The following RGS7 variants were observed in gnomAD, a reference collection of about 807,000 sequenced individuals.
RGS7 encodes regulator of G-protein signaling 7.
RGS7 carries 27 observed loss-of-function variants against 81.1 expected under a neutral mutation model. The ratio of observed to expected loss-of-function variants is 0.33; its 90% CI spans 0.25 to 0.46. The LOEUF is 0.46. RGS7 is among the 20% of genes least tolerant of loss of function. The probability of loss-of-function intolerance (pLI) is 1.00; values close to 1 mark genes in which losing one functional copy is unlikely to be tolerated. For missense variants in RGS7, 396 were observed against 607.4 expected, an observed-to-expected ratio of 0.65 and a Z score of 3.66; for synonymous variants, 208 against 207.7, an observed-to-expected ratio of 1.00 and a Z score of -0.01.
rs1368537777 is a variant in RGS7, at chr1:241,044,097, CTTTTTGTTT to C, written c.175+54560_175+54568del. Among the ~76,000 whole-genome samples, 286 of 146,168 alleles carry C rather than the reference CTTTTTGTTT, an allele frequency of 2.0e-3. 1 individual carries two copies. Among genetic ancestry groups the C allele is most frequent in the African/African-American group, 6.9e-3 (268 of 39,094 alleles). On this transcript the variant is annotated intron_variant, in intron 3 of 18. Transcript: ENST00000440928. The stretch of plus-strand genomic sequence containing the variant: ...GATTTGGGTTTGAATTAATTTCTTT[CTTTTTGTTT>C]TTTTTGTTTTTTTTTTTTTTGGTTT...
chr1:241,200,799 G>A (rs1006055939), intron 2 of RGS7, among the ~76,000 whole-genome samples: 2 of 152,100 alleles, frequency 1.3e-5, no homozygotes, highest in African/African-American at 4.8e-5. Context: ...CCAAGATTCT[G>A]TTCTGCCCCC....
intron 2 of RGS7, among the ~76,000 whole-genome samples, chr1:241,147,574 T>C (rs2103112031): frequency 1.3e-5 from 2 of 151,700 alleles, no homozygotes; most frequent in Middle Eastern, 6.8e-3. Context: ...TAAGAAAAAA[T>C]AGAAGATGGT....
intron 2 of RGS7, among the ~76,000 whole-genome samples, chr1:241,148,051 CTTTTTTTTTTTTTT>C: frequency 9.2e-6 from 1 of 108,504 alleles, no homozygotes; most frequent in Middle Eastern, 6.2e-3. Context: ...TTTTCTTTTT[CTTTTTTTTTTTTTT>C]TTTTGAGACG....
chr1:241,089,397 G>A (rs1426188995), intron 3 of RGS7, among the ~76,000 whole-genome samples: 1 of 151,844 alleles, frequency 6.6e-6, no homozygotes. Context: ...TTGAGAAACA[G>A]AAAGTGCATG....
intron 9 of RGS7, among the ~76,000 whole-genome samples, chr1:240,836,241 T>A (rs1373612778): frequency 1.3e-5 from 2 of 152,128 alleles, no homozygotes; most frequent in East Asian, 3.9e-4. Context: ...GAACCAAAAC[T>A]GCTCTAAAAA....
intron 2 of RGS7, among the ~76,000 whole-genome samples, chr1:241,129,014 C>A (rs1434985952): frequency 6.6e-6 from 1 of 152,130 alleles, no homozygotes. Flanking sequence ...ACTATTTATA[C>A]ACAATTAGCA....
rs140629656 is a variant in RGS7, at chr1:241,056,375, C to T, written c.175+42291G>A. On this transcript the variant is annotated intron_variant, in intron 3 of 18. Coordinates refer to ENST00000440928, the MANE Select transcript of RGS7 (RefSeq NM_001364886.1). Reference sequence around the variant, plus strand: ...TCACCCTGTTTCAGCTTCTTCTTAGCACTGTACCCATCTCATCTCATTCAT... The same window carrying T: ...TCACCCTGTTTCAGCTTCTTCTTAGTACTGTACCCATCTCATCTCATTCAT... Among the ~76,000 whole-genome samples the T allele has an allele frequency of 1.8e-3, 277 of 152,312 alleles. 1 individual carries two copies. The highest frequency in any genetic ancestry group is 0.014 in the East Asian group (73 of 5,190).
Position 240,854,234 on chromosome 1 carries a change from C to T in RGS7, c.609+14353G>A, listed in dbSNP as rs1660668095. Among the ~76,000 whole-genome samples, 5 of 152,276 alleles carry T rather than the reference C, an allele frequency of 3.3e-5. No individual in the cohort carries two copies. The South Asian group carries it at 1.0e-3, about 32-fold the overall frequency. On this transcript the variant is annotated intron_variant, in intron 9 of 18. Transcript: ENST00000440928. Reference sequence around the variant, plus strand: ...CACGGACTTTGATCATGGGAAAAGACGGTCTACCAAGGAGCAAGCTTCACT... The same window carrying T: ...CACGGACTTTGATCATGGGAAAAGATGGTCTACCAAGGAGCAAGCTTCACT...
intron 2 of RGS7, among the ~76,000 whole-genome samples, chr1:241,208,271 C>A (rs1046780410): frequency 4.6e-5 from 7 of 152,122 alleles, no homozygotes; most frequent in Non-Finnish European, 8.8e-5. Context: ...ATAATCCCAA[C>A]CCCAAACCAT....
At chr1:241,105,866 T>G (rs541099899) in intron 2 of RGS7, among the ~76,000 whole-genome samples, 2 of 152,292 alleles carry the variant, frequency 1.3e-5, no homozygotes, top group Admixed American at 1.3e-4. Context: ...CACAGGCATT[T>G]GGAGATATAA....
chr1:241,208,614 T>A (rs2074065413), intron 2 of RGS7, among the ~76,000 whole-genome samples: 1 of 151,950 alleles, frequency 6.6e-6, no homozygotes, highest in African/African-American at 2.4e-5. Flanking sequence ...ACATCCCAGG[T>A]GCAAATCTAG....
At chr1:241,017,907 T>C (rs910687682) in intron 3 of RGS7, among the ~76,000 whole-genome samples, 1 of 152,136 alleles carries the variant, frequency 6.6e-6, no homozygotes, top group Non-Finnish European at 1.5e-5. Flanking sequence ...TTCCTGTCTG[T>C]TAATTCCAAC....
intron 18 of RGS7, among the ~76,000 whole-genome samples, chr1:240,784,338 C>T (rs60975892): frequency 0.11 from 16,562 of 152,022 alleles, 1,813 homozygotes; most frequent in African/African-American, 0.28. Context: ...AAGTTATCAA[C>T]ATCTTTTAGA....
chr1:241,068,871 A>C (rs78869250), intron 3 of RGS7, among the ~76,000 whole-genome samples: 3,207 of 152,208 alleles, frequency 0.021, 130 homozygotes, highest in African/African-American at 0.074. Flanking sequence ...ATTTCTCGTG[A>C]GTGGCTTAGT....
intron 2 of RGS7, among the ~76,000 whole-genome samples, chr1:241,145,528 G>A (rs201090707): frequency 2.6e-4 from 40 of 152,256 alleles, no homozygotes; most frequent in African/African-American, 7.7e-4. Flanking sequence ...GATGGTTCAC[G>A]TCTGTAATCC....
At chr1:241,349,631 C>T (rs969733618) in intron 2 of RGS7, among the ~76,000 whole-genome samples, 1 of 152,140 alleles carries the variant, frequency 6.6e-6, no homozygotes, top group African/African-American at 2.4e-5. Flanking sequence ...AAGAAGTGGG[C>T]CTTTGTTTCC....
chr1:241,129,074 T>C (rs2066897910), intron 2 of RGS7, among the ~76,000 whole-genome samples: 1 of 152,190 alleles, frequency 6.6e-6, no homozygotes, highest in South Asian at 2.1e-4. Flanking sequence ...CTCCAAATTA[T>C]ACTCCTCTAA....
At chr1:241,123,004 G>C (rs1277439303) in intron 2 of RGS7, among the ~76,000 whole-genome samples, 1 of 152,160 alleles carries the variant, frequency 6.6e-6, no homozygotes, top group East Asian at 1.9e-4. Flanking sequence ...TCAGACACAT[G>C]AATAAATGAG....
At chr1:241,266,611 C>T (rs1407936371) in intron 2 of RGS7, among the ~76,000 whole-genome samples, 1 of 152,172 alleles carries the variant, frequency 6.6e-6, no homozygotes, top group Non-Finnish European at 1.5e-5. Flanking sequence ...GCCTATTCCA[C>T]TTGTATTACC....
Sources: allele counts gnomAD v4.1 joint callset (sites outside exome capture counted in the v4.1 genomes callset), GRCh38; gene constraint gnomAD v4.1.1; transcripts MANE v1.5; gene names NCBI Gene and HGNC (gene_info 2026-07-23, HGNC 2026-07-21).